TMPRSS11F: variants seen among roughly 807,000 people sequenced by gnomAD.
TMPRSS11F encodes the protein transmembrane serine protease 11F.
TMPRSS11F carries 47 observed loss-of-function variants against 60.2 expected under a neutral mutation model. The ratio of observed to expected loss-of-function variants is 0.78; its 90% CI spans 0.62 to 1.00. TMPRSS11F has a LOEUF of 1.00. Among genes scored for constraint, TMPRSS11F ranks in the 50% least tolerant of loss-of-function variants. TMPRSS11F has a pLI of 0.00. For missense variants in TMPRSS11F, 519 were observed against 522.9 expected, an observed-to-expected ratio of 0.99 and a Z score of 0.07; for synonymous variants, 166 against 167.3, an observed-to-expected ratio of 0.99 and a Z score of 0.06.
At chr4:68,105,602 A>G (rs767753401) in intron 1 of TMPRSS11F, among the ~76,000 whole-genome samples, 2 of 152,190 alleles carry the variant, frequency 1.3e-5, no homozygotes, top group Non-Finnish European at 1.5e-5. Context: ...TGTTTCTTTC[A>G]ATCCCTAAAG....
intron 9 of TMPRSS11F, among the ~76,000 whole-genome samples, chr4:68,057,846 A>G (rs554651592): frequency 9.9e-5 from 15 of 152,210 alleles, no homozygotes; most frequent in African/African-American, 3.4e-4. Flanking sequence ...GAAGAGATAA[A>G]GATAATATGG....
chr4:68,061,543 T>C (rs893787604), intron 8 of TMPRSS11F, among the ~76,000 whole-genome samples: 10 of 152,258 alleles, frequency 6.6e-5, no homozygotes, highest in African/African-American at 1.9e-4. Context: ...AATAGTTTCT[T>C]ATTTTGGATG....
chr4:68,123,712 T>A (rs1028413888), intron 1 of TMPRSS11F, among the ~76,000 whole-genome samples: 2 of 152,058 alleles, frequency 1.3e-5, no homozygotes, highest in African/African-American at 4.8e-5. Context: ...AGGGCCACAA[T>A]GGGACAGGAA....
At chr4:68,106,771 GA>G (rs1283563728) in intron 1 of TMPRSS11F, among the ~76,000 whole-genome samples, 1 of 152,036 alleles carries the variant, frequency 6.6e-6, no homozygotes, top group African/African-American at 2.4e-5. Context: ...GTACATGGGG[GA>G]AAATATTAAA....
At chr4:68,059,743 G>A (rs1260044797) in intron 8 of TMPRSS11F, among the ~76,000 whole-genome samples, 1 of 152,004 alleles carries the variant, frequency 6.6e-6, no homozygotes, top group Non-Finnish European at 1.5e-5. Context: ...ATGAGGAGAG[G>A]GTCCATAGTC....
At position 68,124,945 on chromosome 4, in the gene TMPRSS11F, A is replaced by ATTTTTTTT. The variant is rs370189875; in HGVS notation, c.11+4857_11+4864dup. ...TGACATTCTAAGTATCTAAACCAGC[A>ATTTTTTTT]TTTTTTTTTTTTTTTTTTTTTTACA... On this transcript the variant is annotated intron_variant, in intron 1 of 9. Coordinates refer to ENST00000356291, the MANE Select transcript of TMPRSS11F (RefSeq NM_207407.2). 1.4e-3 allele frequency among the ~76,000 whole-genome samples: 132 copies of ATTTTTTTT among 94,086 alleles called. 10 individuals carry two copies. Among genetic ancestry groups the ATTTTTTTT allele is most frequent in the East Asian group, 5.1e-3 (16 of 3,158 alleles). The allele number at this position is 94,086 out of a possible 152,430, so 61.7% of individuals were successfully genotyped here. A position where few individuals can be genotyped will look rare whatever the true frequency, so the allele number is the denominator to read the frequency against.
At chr4:68,054,336 G>A (rs1722999126) in intron 9 of TMPRSS11F, among the ~76,000 whole-genome samples, 1 of 151,898 alleles carries the variant, frequency 6.6e-6, no homozygotes, top group African/African-American at 2.4e-5. Context: ...GTTTGAACAG[G>A]CCTGTTTAGC....
At chr4:68,122,936 A>G (rs568120690) in intron 1 of TMPRSS11F, among the ~76,000 whole-genome samples, 2 of 152,312 alleles carry the variant, frequency 1.3e-5, no homozygotes, top group South Asian at 2.1e-4. Context: ...CAAGTTGGGA[A>G]GTGAGGTAAG....
intron 8 of TMPRSS11F, chr4:68,062,946 T>G (rs1560392586): frequency 2.6e-6 from 2 of 772,464 alleles, no homozygotes; most frequent in South Asian, 1.3e-5. Context: ...AGCAGGCTAA[T>G]GAGAATTTCT....
At chr4:68,074,105 T>C in intron 3 of TMPRSS11F, 96 bp from the exon 4 acceptor site, 2 of 712,898 alleles carry the variant, frequency 2.8e-6, no homozygotes, top group Non-Finnish European at 4.3e-6. Flanking sequence ...AAAAGTGTTA[T>C]TCCTTGTCTT....
intron 3 of TMPRSS11F, among the ~76,000 whole-genome samples, chr4:68,086,213 C>G (rs1311126265): frequency 2.6e-5 from 4 of 151,938 alleles, no homozygotes; most frequent in African/African-American, 9.7e-5. Flanking sequence ...AAATCATTAC[C>G]AAGAAGATAT....
intron 1 of TMPRSS11F, 87 bp from the exon 2 acceptor site, chr4:68,099,125 G>T: frequency 1.7e-6 from 2 of 1,173,002 alleles, no homozygotes; most frequent in Non-Finnish European, 2.4e-6. Context: ...TATGAAAATA[G>T]TTTATACTGC....
intron 1 of TMPRSS11F, among the ~76,000 whole-genome samples, chr4:68,121,692 T>A (rs1724627812): frequency 1.3e-5 from 2 of 152,212 alleles, no homozygotes; most frequent in Non-Finnish European, 2.9e-5. Flanking sequence ...TAAATATTTG[T>A]ATTTCAGTGG....
At chr4:68,119,158 A>C (rs554346576) in intron 1 of TMPRSS11F, among the ~76,000 whole-genome samples, 1 of 152,304 alleles carries the variant, frequency 6.6e-6, no homozygotes, top group South Asian at 2.1e-4. Context: ...TTAAGGCCAT[A>C]GCCTAATCCA....
intron 1 of TMPRSS11F, among the ~76,000 whole-genome samples, chr4:68,118,649 G>A (rs1217408039): frequency 6.6e-6 from 1 of 152,088 alleles, no homozygotes; most frequent in Non-Finnish European, 1.5e-5. Flanking sequence ...GCTGGCTGAA[G>A]GTGAAATGGT....
chr4:68,111,879 T>C (rs1461634070), intron 1 of TMPRSS11F, among the ~76,000 whole-genome samples: 1 of 152,196 alleles, frequency 6.6e-6, no homozygotes, highest in Non-Finnish European at 1.5e-5. Flanking sequence ...TTCTCAATTA[T>C]TTCTGTACTC....
intron 1 of TMPRSS11F, among the ~76,000 whole-genome samples, chr4:68,104,498 G>A (rs953294601): frequency 6.6e-6 from 1 of 152,010 alleles, no homozygotes; most frequent in African/African-American, 2.4e-5. Context: ...GCTTTTCCCT[G>A]CCTTCACGCT....
intron 1 of TMPRSS11F, among the ~76,000 whole-genome samples, chr4:68,123,226 G>T (rs895594023): frequency 9.9e-5 from 15 of 152,148 alleles, no homozygotes; most frequent in Non-Finnish European, 5.9e-5. Flanking sequence ...TGGCAGTTTT[G>T]AAGAAGTAGT....
At chr4:68,091,680 C>T (rs948665404) in intron 2 of TMPRSS11F, among the ~76,000 whole-genome samples, 1 of 151,938 alleles carries the variant, frequency 6.6e-6, no homozygotes, top group African/African-American at 2.4e-5. Context: ...TGGTTTCATC[C>T]TCATTTCCAA....
Sources: allele counts gnomAD v4.1 joint callset (sites outside exome capture counted in the v4.1 genomes callset), GRCh38; gene constraint gnomAD v4.1.1; transcripts MANE v1.5; gene names NCBI Gene and HGNC (gene_info 2026-07-23, HGNC 2026-07-21).